The following SOHLH2 variants were observed in gnomAD, a reference collection of about 807,000 sequenced individuals.
SOHLH2 encodes spermatogenesis- and oogenesis-specific basic helix-loop-helix-containing protein 2.
In SOHLH2, 22 loss-of-function variants were observed where a neutral mutation model predicts 50.4. The ratio of observed to expected loss-of-function variants is 0.44; its 90% confidence interval spans 0.31 to 0.62. SOHLH2 has a LOEUF of 0.62. Ranked by LOEUF, SOHLH2 falls within the 20% of genes least tolerant of loss-of-function variation. The pLI is 0.08. For synonymous variants in SOHLH2, 185 were observed against 187.3 expected (o/e 0.99, Z 0.10); for missense variants, 412 against 504.4 (o/e 0.82, Z 1.76).
rs1886888096 is a variant in SOHLH2 at position 36,168,834 on chromosome 13, A to T, written c.*200T>A. 1.2e-6 allele frequency: 1 copy of T among 801,384 alleles called. No individual in the cohort carries two copies. 49.6% of individuals were successfully genotyped at this position (801,384 alleles called of 1,614,324 possible). ...CCAAGTGTGTATGAAGATGAGTGAC[A>T]GTGTGTGGCCAGCTTTTTCGCTGCT... is the stretch of plus-strand genomic sequence containing the variant. On this transcript the variant is annotated 3_prime_UTR_variant, in exon 11 of 11. Transcript: ENST00000379881.
Position 36,170,514 on chromosome 13 carries a change from G to C in SOHLH2, c.1257+17C>G. The C allele has an allele frequency of 6.2e-7, 1 of 1,610,842 alleles. No individual in the cohort carries two copies. Among genetic ancestry groups the C allele is most frequent in the Non-Finnish European group, 8.5e-7 (1 of 1,178,128 alleles). On this transcript the variant is annotated intron_variant, in intron 10 of 10. Transcript: ENST00000379881. ...GTGAAAGGGTCCAATCTGATCCATG[G>C]ACCCCTGGAAACTTACCAGACAGTT...
intron 6 of SOHLH2, chr13:36,182,363 A>G: frequency 2.3e-6 from 2 of 869,372 alleles, no homozygotes; most frequent in Non-Finnish European, 2.8e-6. Flanking sequence ...GTCAGGGTCC[A>G]TTTCCTCTCC....
intron 2 of SOHLH2, 43 bp downstream of exon 2, chr13:36,201,836 A>G (rs920185590): frequency 3.8e-6 from 6 of 1,593,916 alleles, no homozygotes; most frequent in Non-Finnish European, 5.1e-6. Context: ...GGTTTTTAAA[A>G]AAATGATTCT....
rs1887578653 is a variant in SOHLH2, at chr13:36,191,703, A to G, written c.530+92T>C. On this transcript the variant is annotated intron_variant, in intron 5 of 10. Coordinates refer to ENST00000379881, the MANE Select transcript of SOHLH2 (RefSeq NM_017826.3). ...CAGTGCCAGCTCAGGATTCTTAAGT[A>G]CAGCAAATGCTGCACCCCTCTTCCA... The G allele has an allele frequency of 1.2e-5, 17 of 1,463,676 alleles. No homozygotes were observed. The South Asian group carries it at 1.5e-4, about 13-fold the overall frequency. The allele number at this position is 1,463,676 out of a possible 1,614,324, so 90.7% of individuals were successfully genotyped here.
rs543198167 is a variant in SOHLH2, at chr13:36,179,038, C to A, written c.642-4169G>T. On this transcript the variant is annotated intron_variant, in intron 6 of 10. Coordinates refer to ENST00000379881, the MANE Select transcript of SOHLH2 (RefSeq NM_017826.3). ...TTAGGACTTTGACTTTATACCCAAT[C>A]ATGCCATCTACATATAGTAAGCCAG... Among the ~76,000 whole-genome samples, 4 of 152,274 alleles carry A rather than the reference C, an allele frequency of 2.6e-5. No individual in the cohort carries two copies. The East Asian group carries it at 7.7e-4, about 29-fold the overall frequency.
intron 6 of SOHLH2, among the ~76,000 whole-genome samples, chr13:36,189,189 T>C (rs995923343): frequency 6.6e-6 from 1 of 152,278 alleles, no homozygotes; most frequent in Non-Finnish European, 1.5e-5. Flanking sequence ...TTTCTTATTA[T>C]AGACTACTTC....
At chr13:36,179,435 G>T (rs1268204193) in intron 6 of SOHLH2, among the ~76,000 whole-genome samples, 1 of 152,144 alleles carries the variant, frequency 6.6e-6, no homozygotes, top group East Asian at 1.9e-4. Context: ...TTGAGGCAGA[G>T]TCTCACTCTA....
Position 36,193,722 on chromosome 13 carries a change from C to T in SOHLH2, c.329G>A (p.Cys110Tyr). Reference protein sequence around the residue: ...VFIIPENFKGCISGHGMDIAL... With the variant: ...VFIIPENFKGYISGHGMDIAL... ...AATATCCATTCCATGCCCTGAAATA[C>T]AACCTAAGAATCTTTATATTAAATA... The change falls in exon 4 of 11, where the codon TGT becomes TAT. Residue 110 changes from cysteine (C) to tyrosine (Y), a missense_variant. Physicochemically the swap from Cys to Tyr is radical, Grantham distance 194. Coordinates refer to ENST00000379881, the MANE Select transcript of SOHLH2 (RefSeq NM_017826.3). 1 of 1,608,676 alleles carries T rather than the reference C, an allele frequency of 6.2e-7. No homozygotes were observed. The highest frequency in any genetic ancestry group is 8.5e-7 in the Non-Finnish European group (1 of 1,178,800).
chr13:36,194,827 T>C (rs1887675732), intron 2 of SOHLH2, among the ~76,000 whole-genome samples: 2 of 152,172 alleles, frequency 1.3e-5, no homozygotes, highest in African/African-American at 4.8e-5. Context: ...TTTATTAGCA[T>C]GTGGTTACAT....
At chr13:36,206,429 T>C (rs1037860670) in intron 1 of SOHLH2, among the ~76,000 whole-genome samples, 1 of 152,106 alleles carries the variant, frequency 6.6e-6, no homozygotes, top group African/African-American at 2.4e-5. Flanking sequence ...AAGACTTTTA[T>C]TAAATACCTA....
chr13:36,186,013 C>T (rs1054428187), intron 6 of SOHLH2, among the ~76,000 whole-genome samples: 1 of 152,008 alleles, frequency 6.6e-6, no homozygotes, highest in Non-Finnish European at 1.5e-5. Context: ...GAGATAAAGA[C>T]ATTGTAAGAA....
intron 1 of SOHLH2, among the ~76,000 whole-genome samples, chr13:36,205,210 C>T (rs749869390): frequency 3.3e-5 from 5 of 152,152 alleles, no homozygotes; most frequent in African/African-American, 9.7e-5. Flanking sequence ...AATCCTACCG[C>T]CTTCAAAAAA....
chr13:36,172,359 G>C (rs1886982802), intron 9 of SOHLH2, among the ~76,000 whole-genome samples: 1 of 152,144 alleles, frequency 6.6e-6, no homozygotes, highest in Non-Finnish European at 1.5e-5. Flanking sequence ...TGCTACTTAT[G>C]GCAATTTTTT....
chr13:36,186,046 T>A (rs578219385), intron 6 of SOHLH2, among the ~76,000 whole-genome samples: 1 of 152,250 alleles, frequency 6.6e-6, no homozygotes, highest in East Asian at 1.9e-4. Flanking sequence ...ATATCTTTCA[T>A]AAACACAGAT....
chr13:36,187,274 T>A lies in SOHLH2; in HGVS notation c.641+2672A>T, dbSNP rs182906132. 9.7e-4 allele frequency among the ~76,000 whole-genome samples: 148 copies of A among 152,256 alleles called. 2 individuals carry two copies. The highest frequency in any genetic ancestry group is 4.6e-4 in the Non-Finnish European group (31 of 67,998). On this transcript the variant is annotated intron_variant, in intron 6 of 10. Coordinates refer to ENST00000379881, the MANE Select transcript of SOHLH2 (RefSeq NM_017826.3). ...GGGACCAATAAAGGATTCCCACCAT[T>A]AGATCTGGACATGAAAAATAATGAA...
At chr13:36,214,384 C>A in intron 1 of SOHLH2, 95 bp downstream of exon 1, 1 of 1,453,348 alleles carries the variant, frequency 6.9e-7, no homozygotes, top group Non-Finnish European at 9.4e-7. Context: ...AATGAGAGCT[C>A]CCCAGGCCGG....
At chr13:36,184,962 C>T (rs1887374393) in intron 6 of SOHLH2, among the ~76,000 whole-genome samples, 1 of 152,072 alleles carries the variant, frequency 6.6e-6, no homozygotes, top group Non-Finnish European at 1.5e-5. Flanking sequence ...CAATATTCCC[C>T]TCCCTGTGTC....
At chr13:36,202,863 G>T (rs1868508322) in intron 1 of SOHLH2, among the ~76,000 whole-genome samples, 1 of 152,160 alleles carries the variant, frequency 6.6e-6, no homozygotes, top group Admixed American at 6.5e-5. Flanking sequence ...GAGGGAAGGG[G>T]CTGGAAATAC....
rs764218457 is a variant in SOHLH2 at position 36,184,459 on chromosome 13, C to CTTTTTT, written c.641+5486_641+5487insAAAAAA. Among the ~76,000 whole-genome samples the CTTTTTT allele has an allele frequency of 8.6e-5, 7 of 81,690 alleles. 1 individual carries two copies. The highest frequency in any genetic ancestry group is 1.0e-4 in the Non-Finnish European group (4 of 39,538). The allele number at this position is 81,690 out of a possible 152,430, so 53.6% of individuals were successfully genotyped here. A position where few individuals can be genotyped will look rare whatever the true frequency, so the allele number is the denominator to read the frequency against. ...TGATGGAAGTTTCTACCTACAAAGACCTTTTTTTTTTTTTTTTTTTGAGAC... is the reference window on the plus strand; with the variant it reads ...TGATGGAAGTTTCTACCTACAAAGACTTTTTTCTTTTTTTTTTTTTTTTTTTGAGAC... On this transcript the variant is annotated intron_variant, in intron 6 of 10. Coordinates refer to ENST00000379881, the MANE Select transcript of SOHLH2 (RefSeq NM_017826.3).
Sources: gnomAD v4.1 joint callset for allele counts (sites outside exome capture counted in the v4.1 genomes callset) on GRCh38, gnomAD v4.1.1 for gene constraint, MANE v1.5 for transcripts, NCBI Gene and HGNC (gene_info 2026-07-23, HGNC 2026-07-21) for gene names.